MSI2: variants seen among roughly 807,000 people sequenced by gnomAD.
MSI2 encodes the protein musashi RNA binding protein 2, also known as RNA-binding protein Musashi homolog 2.
MSI2 carries 17 observed loss-of-function variants against 45.6 expected under a neutral mutation model. The ratio of observed to expected loss-of-function variants is 0.37; its 90% CI spans 0.26 to 0.56. The LOEUF (loss-of-function observed/expected upper bound fraction) is 0.56. Ranked by LOEUF, MSI2 falls within the 20% of genes least tolerant of loss-of-function variation. The pLI is 0.77. For missense variants in MSI2, 293 were observed against 444.2 expected, an observed-to-expected ratio of 0.66 and a Z score of 3.06; for synonymous variants, 156 against 158.2, an observed-to-expected ratio of 0.99 and a Z score of 0.11.
chr17:57,356,521 C>G (rs1916436436), intron 5 of MSI2, among the ~76,000 whole-genome samples: 1 of 152,150 alleles, frequency 6.6e-6, no homozygotes, highest in Admixed American at 6.5e-5. Flanking sequence ...AAGATCCCCC[C>G]TCCCCCAAAG....
In MSI2 at chr17:57,414,082, A is replaced by G. The variant is rs146407413; in HGVS notation, c.405+12611A>G. Among the ~76,000 whole-genome samples, 624 of 152,330 alleles carry G rather than the reference A, an allele frequency of 4.1e-3. 24 individuals carry two copies. Among genetic ancestry groups the G allele is most frequent in the African/African-American group, 0.013 (559 of 41,538 alleles). ...CCAGCCAAAAGCAAGCAAGGAAATA[A>G]TAAAAATAATTACAGATTGTGTCAT... is the stretch of plus-strand genomic sequence containing the variant. On this transcript the variant is annotated intron_variant, in intron 6 of 13. Coordinates refer to ENST00000284073, the MANE Select transcript of MSI2 (RefSeq NM_138962.4).
rs1004180065 is a variant in MSI2 at position 57,529,321 on chromosome 17, AG to A, written c.406-354del. ...CATGATGGTACATGCCTGTAGTCCC[AG>A]CTACTCAGGAAGCTGAGGCAGGAGG... is the stretch of plus-strand genomic sequence containing the variant. On this transcript the variant is annotated intron_variant, in intron 6 of 13. Coordinates refer to ENST00000284073, the MANE Select transcript of MSI2 (RefSeq NM_138962.4). This position sits in a 1 kb window ranked among gnomAD's most constrained non-coding sequence, Gnocchi z 5.3. 2.0e-5 allele frequency among the ~76,000 whole-genome samples: 3 copies of A among 152,132 alleles called. No homozygotes were observed. The highest frequency in any genetic ancestry group is 7.2e-5 in the African/African-American group (3 of 41,424).
intron 5 of MSI2, among the ~76,000 whole-genome samples, chr17:57,308,784 C>T (rs971858388): frequency 6.6e-6 from 1 of 152,166 alleles, no homozygotes; most frequent in Admixed American, 6.5e-5. Flanking sequence ...AAGGTACAAC[C>T]CCCCTCATTT....
intron 7 of MSI2, among the ~76,000 whole-genome samples, chr17:57,585,960 G>T (rs1193063597): frequency 6.6e-6 from 1 of 152,260 alleles, no homozygotes; most frequent in Non-Finnish European, 1.5e-5. Flanking sequence ...CTGGGGTCCT[G>T]ATCTGAGCCA....
chr17:57,575,017 A>C (rs2087986064), intron 7 of MSI2, among the ~76,000 whole-genome samples: 1 of 151,902 alleles, frequency 6.6e-6, no homozygotes, highest in Non-Finnish European at 1.5e-5. Context: ...TTTTTAGTAG[A>C]GATGGGGTTT....
intron 5 of MSI2, among the ~76,000 whole-genome samples, chr17:57,288,552 G>A (rs1179151002): frequency 2.6e-5 from 4 of 152,172 alleles, no homozygotes; most frequent in Non-Finnish European, 5.9e-5. Flanking sequence ...TGAGAGCAGC[G>A]TGCACCGGAG....
chr17:57,448,738 AG>A (rs1022364579), intron 6 of MSI2: 2 of 152,186 alleles, frequency 1.3e-5, no homozygotes, highest in African/African-American at 4.8e-5. Context: ...TGTTGGCTCT[AG>A]GAGCCTCGAA....
chr17:57,553,158 C>G (rs2087345724), intron 7 of MSI2, among the ~76,000 whole-genome samples: 1 of 152,120 alleles, frequency 6.6e-6, no homozygotes, highest in Non-Finnish European at 1.5e-5. Context: ...CATGAGCCCC[C>G]CAAGGCCAGA....
intron 6 of MSI2, among the ~76,000 whole-genome samples, chr17:57,495,542 A>AAAAAAAG (rs2085960871): frequency 6.7e-6 from 1 of 149,016 alleles, no homozygotes; most frequent in South Asian, 2.2e-4. Flanking sequence ...CAAAAAAAAA[A>AAAAAAAG]AAAAAAAAAA....
intron 5 of MSI2, chr17:57,268,339 A>C (rs1908006535): frequency 6.6e-6 from 1 of 152,216 alleles, no homozygotes; most frequent in Admixed American, 6.5e-5. Flanking sequence ...TGATCACCAA[A>C]GCCAGGGAGG....
chr17:57,525,835 G>A (rs912771217), intron 6 of MSI2, among the ~76,000 whole-genome samples: 22 of 152,186 alleles, frequency 1.4e-4, no homozygotes, highest in African/African-American at 5.3e-4. Context: ...ATTTTGTAAG[G>A]CAGGTGAGCG....
At chr17:57,380,423 G>A (rs1341198672) in intron 5 of MSI2, among the ~76,000 whole-genome samples, 1 of 152,172 alleles carries the variant, frequency 6.6e-6, no homozygotes, top group African/African-American at 2.4e-5. Flanking sequence ...CTGAGGCAGA[G>A]CCACCCAGAC....
intron 5 of MSI2, among the ~76,000 whole-genome samples, chr17:57,338,102 AT>A (rs1914823926): frequency 6.6e-6 from 1 of 151,970 alleles, no homozygotes. Flanking sequence ...TTTTTTATTT[AT>A]TTTTGAGACA....
intron 6 of MSI2, among the ~76,000 whole-genome samples, chr17:57,409,100 T>C (rs1273368523): frequency 6.6e-6 from 1 of 152,164 alleles, no homozygotes; most frequent in African/African-American, 2.4e-5. Flanking sequence ...TGCCAATCTG[T>C]ACTTTATTTA....
intron 6 of MSI2, among the ~76,000 whole-genome samples, chr17:57,433,787 G>A (rs1258525329): frequency 6.6e-6 from 1 of 152,200 alleles, no homozygotes; most frequent in Non-Finnish European, 1.5e-5. Context: ...CCTTCCTTAA[G>A]CGCCGCTCAT....
chr17:57,648,500 G>A (rs145375677), intron 10 of MSI2, among the ~76,000 whole-genome samples: 12 of 152,294 alleles, frequency 7.9e-5, no homozygotes, highest in East Asian at 5.8e-4. Context: ...CCAGGTCTGC[G>A]TGCTCTGCTG....
intron 7 of MSI2, among the ~76,000 whole-genome samples, chr17:57,560,476 C>T (rs2087547860): frequency 6.6e-6 from 1 of 152,200 alleles, no homozygotes; most frequent in Non-Finnish European, 1.5e-5. Context: ...GCTACTTCCT[C>T]CCACCACCCC....
At chr17:57,507,281 C>G (rs866997066) in intron 6 of MSI2, among the ~76,000 whole-genome samples, 10 of 144,698 alleles carry the variant, frequency 6.9e-5, no homozygotes, top group African/African-American at 2.3e-4. Flanking sequence ...GTGTGTGTGT[C>G]TCCCCCACCC....
chr17:57,336,685 A>G (rs780497823), intron 5 of MSI2, among the ~76,000 whole-genome samples: 2 of 152,236 alleles, frequency 1.3e-5, no homozygotes, highest in Admixed American at 6.5e-5. Flanking sequence ...TTGGTGTTGC[A>G]TCTTATGGTT....
Sources: allele counts gnomAD v4.1 joint callset (sites outside exome capture counted in the v4.1 genomes callset), GRCh38; gene constraint gnomAD v4.1.1; non-coding constraint Gnocchi (gnomAD v3.1); transcripts MANE v1.5; gene names NCBI Gene and HGNC (gene_info 2026-07-23, HGNC 2026-07-21).